Variants in PKP4 observed in about 807,000 individuals in gnomAD.
PKP4 encodes plakophilin 4.
Under a neutral mutation model 145.1 loss-of-function variants are expected in PKP4, and 90 were observed. The ratio of observed to expected loss-of-function variants is 0.62; its 90% CI spans 0.52 to 0.74. PKP4 has a LOEUF of 0.74. Among genes scored for constraint, PKP4 ranks in the 30% least tolerant of loss-of-function variants. The pLI is 0.00. For missense variants in PKP4, 1,340 were observed against 1,482.7 expected, an observed-to-expected ratio of 0.90 and a Z score of 1.58; for synonymous variants, 563 against 577.2, an observed-to-expected ratio of 0.98 and a Z score of 0.35.
chr2:158,554,569 G>T (rs955026733), intron 2 of PKP4, among the ~76,000 whole-genome samples: 1 of 151,836 alleles, frequency 6.6e-6, no homozygotes, highest in African/African-American at 2.4e-5. Flanking sequence ...GGGACTACAG[G>T]TGCCCGCCAC....
chr2:158,590,965 G>A (rs1023203356), intron 3 of PKP4, among the ~76,000 whole-genome samples: 15 of 152,058 alleles, frequency 9.9e-5, no homozygotes, highest in African/African-American at 3.1e-4. Flanking sequence ...AGTATGTAAC[G>A]TCACCCATGA....
intron 1 of PKP4, among the ~76,000 whole-genome samples, chr2:158,502,012 T>C (rs578073370): frequency 6.6e-6 from 1 of 152,222 alleles, no homozygotes; most frequent in Non-Finnish European, 1.5e-5. Context: ...TGTTTGATGA[T>C]GCTTACAACA....
At chr2:158,585,305 C>G (rs945928105) in intron 3 of PKP4, among the ~76,000 whole-genome samples, 1 of 152,112 alleles carries the variant, frequency 6.6e-6, no homozygotes, top group Non-Finnish European at 1.5e-5. Context: ...AGAATTCTTT[C>G]TGATTTCAAA....
intron 4 of PKP4, among the ~76,000 whole-genome samples, chr2:158,616,658 T>G (rs2051653941): frequency 6.6e-6 from 1 of 152,112 alleles, no homozygotes; most frequent in African/African-American, 2.4e-5. Flanking sequence ...GGCAAACCCC[T>G]AAACACCATA....
chr2:158,652,108 A>G (rs927027957), intron 11 of PKP4, among the ~76,000 whole-genome samples: 2 of 152,190 alleles, frequency 1.3e-5, no homozygotes, highest in Admixed American at 6.5e-5. Flanking sequence ...TATTTTAGTA[A>G]TGTATTTTAT....
chr2:158,516,983 A>G (rs926471948), intron 1 of PKP4, among the ~76,000 whole-genome samples: 4 of 152,112 alleles, frequency 2.6e-5, no homozygotes, highest in African/African-American at 9.7e-5. Flanking sequence ...TTTTTAATAG[A>G]CCTTATAAAT....
At chr2:158,510,511 G>A (rs71421080) in intron 1 of PKP4, among the ~76,000 whole-genome samples, 5,315 of 152,308 alleles carry the variant, frequency 0.035, 126 homozygotes, top group Middle Eastern at 0.054. Context: ...AGAGGAGTGA[G>A]TCATCGAAAA....
intron 4 of PKP4, among the ~76,000 whole-genome samples, chr2:158,609,906 GA>G (rs1457471039): frequency 6.6e-6 from 1 of 152,186 alleles, no homozygotes; most frequent in Admixed American, 6.5e-5. Context: ...CCAAGTTTCT[GA>G]AGTATGGGAG....
intron 1 of PKP4, among the ~76,000 whole-genome samples, chr2:158,509,261 G>A (rs988795784): frequency 3.9e-5 from 6 of 152,096 alleles, no homozygotes; most frequent in Admixed American, 1.3e-4. Flanking sequence ...AATAAATGAA[G>A]TATCAAGCAA....
chr2:158,498,792 C>CTGCATTAGG (rs1271323382), intron 1 of PKP4, among the ~76,000 whole-genome samples: 3 of 151,266 alleles, frequency 2.0e-5, no homozygotes, highest in African/African-American at 7.3e-5. Context: ...GACCCAGTGC[C>CTGCATTAGG]TGCATTAGGT....
chr2:158,634,215 G>A lies in PKP4; in HGVS notation c.1488G>A (p.Arg496=). 1.2e-6 allele frequency: 2 copies of A among 1,614,040 alleles called. No homozygotes were observed. Among genetic ancestry groups the A allele is most frequent in the Non-Finnish European group, 1.7e-6 (2 of 1,179,994 alleles). The part of the protein sequence containing the change: ...QYRVQECNYN[R]LQHAVPADDG... The stretch of plus-strand genomic sequence containing the variant: ...GAGTGCAAGAGTGCAATTATAACAG[G>A]CTTCAGCATGCAGTGCCGGCTGATG... The change falls in exon 9 of 22, where the codon AGG becomes AGA. Residue 496 remains arginine (R), a synonymous_variant. Transcript: ENST00000389759.
intron 1 of PKP4, among the ~76,000 whole-genome samples, chr2:158,474,106 T>A (rs1692050091): frequency 6.6e-6 from 1 of 152,192 alleles, no homozygotes; most frequent in South Asian, 2.1e-4. Context: ...ATTGTTTTAC[T>A]TCTTTCATCC....
At chr2:158,512,076 A>G (rs2041567941) in intron 1 of PKP4, among the ~76,000 whole-genome samples, 2 of 152,232 alleles carry the variant, frequency 1.3e-5, no homozygotes, top group South Asian at 2.1e-4. Context: ...GGATGCAGCT[A>G]TGCTCTTGGG....
intron 3 of PKP4, among the ~76,000 whole-genome samples, chr2:158,598,626 G>A (rs1247005612): frequency 6.6e-6 from 1 of 152,040 alleles, no homozygotes; most frequent in African/African-American, 2.4e-5. Flanking sequence ...AAAATTAGCC[G>A]GGCATGGTAG....
At chr2:158,590,580 A>C (rs1334781765) in intron 3 of PKP4, among the ~76,000 whole-genome samples, 2 of 152,062 alleles carry the variant, frequency 1.3e-5, no homozygotes, top group South Asian at 4.1e-4. Flanking sequence ...TACAAAGTAC[A>C]AAATGCAAAA....
rs116052996 is a variant in PKP4, at chr2:158,492,060, C to T, written c.-6+34842C>T. ...CTAGGCTGAAATAGTCCTCCTATCA[C>T]AGTCTCCCAAAGTGCTGGGATTACA... On this transcript the variant is annotated intron_variant, in intron 1 of 21. Coordinates refer to ENST00000389759, the MANE Select transcript of PKP4 (RefSeq NM_003628.6). Among the ~76,000 whole-genome samples, 403 of 152,254 alleles carry T rather than the reference C, an allele frequency of 2.6e-3. 4 individuals are homozygous for T. The highest frequency in any genetic ancestry group is 9.2e-3 in the African/African-American group (383 of 41,546).
chr2:158,469,716 C>T (rs1173034110), intron 1 of PKP4, among the ~76,000 whole-genome samples: 2 of 152,132 alleles, frequency 1.3e-5, no homozygotes, highest in East Asian at 1.9e-4. Context: ...GTTGACTGTA[C>T]AATCAGTCCT....
At chr2:158,670,236 C>T (rs1279674811) in intron 17 of PKP4, among the ~76,000 whole-genome samples, 1 of 152,146 alleles carries the variant, frequency 6.6e-6, no homozygotes, top group East Asian at 1.9e-4. Context: ...ATTTATTTCT[C>T]ACAGTTCTAG....
intron 2 of PKP4, among the ~76,000 whole-genome samples, chr2:158,570,894 C>T (rs919507582): frequency 2.0e-5 from 3 of 152,104 alleles, no homozygotes; most frequent in African/African-American, 7.2e-5. Context: ...CTATAATCAA[C>T]AAGATATGTT....
Sources: allele counts gnomAD v4.1 joint callset (sites outside exome capture counted in the v4.1 genomes callset), GRCh38; gene constraint gnomAD v4.1.1; transcripts MANE v1.5; gene names NCBI Gene and HGNC (gene_info 2026-07-23, HGNC 2026-07-21).